Variants in ADAMTS3 observed in about 807,000 individuals in gnomAD.
ADAMTS3 encodes the protein ADAM metallopeptidase with thrombospondin type 1 motif 3.
A neutral mutation model predicts 129.0 loss-of-function variants in ADAMTS3; 73 were observed. That is an observed-to-expected ratio of 0.57 (90% CI 0.47 to 0.69). The LOEUF is 0.69. Ranked by LOEUF, ADAMTS3 falls within the 30% of genes least tolerant of loss-of-function variation. The pLI, the probability that ADAMTS3 is intolerant of heterozygous loss-of-function variation, is 0.00. For missense variants in ADAMTS3, 1,457 were observed against 1,514.5 expected (o/e 0.96, Z 0.63); for synonymous variants, 477 against 510.8 (o/e 0.93, Z 0.89).
chr4:72,518,762 G>A (rs1720570436), intron 3 of ADAMTS3, among the ~76,000 whole-genome samples: 1 of 150,448 alleles, frequency 6.6e-6, no homozygotes. Flanking sequence ...CCTGAATACA[G>A]CACACTGATG....
At chr4:72,552,492 C>T (rs1038568071) in intron 2 of ADAMTS3, among the ~76,000 whole-genome samples, 1 of 152,118 alleles carries the variant, frequency 6.6e-6, no homozygotes, top group Admixed American at 6.5e-5. Flanking sequence ...TTTTGTGGGC[C>T]GTAAGTTCCA....
intron 4 of ADAMTS3, among the ~76,000 whole-genome samples, chr4:72,408,922 G>C (rs767477094): frequency 1.3e-5 from 2 of 151,964 alleles, no homozygotes; most frequent in African/African-American, 2.4e-5. Context: ...GTCGGGGGGT[G>C]GGGGCCTAGG....
At chr4:72,413,715 C>T (rs1178085334) in intron 4 of ADAMTS3, among the ~76,000 whole-genome samples, 1 of 151,804 alleles carries the variant, frequency 6.6e-6, no homozygotes, top group Non-Finnish European at 1.5e-5. Flanking sequence ...AGGTTAAGTA[C>T]TAATCTAAGG....
At chr4:72,311,351 A>T in intron 13 of ADAMTS3, among the ~76,000 whole-genome samples, 170 bp from the exon 14 acceptor site, 1 of 150,156 alleles carries the variant, frequency 6.7e-6, no homozygotes, top group East Asian at 2.0e-4. Context: ...TACATTTGAC[A>T]TTTTTTTTTT....
chr4:72,453,996 G>A (rs1024634777), intron 3 of ADAMTS3, among the ~76,000 whole-genome samples: 1 of 146,762 alleles, frequency 6.8e-6, no homozygotes, highest in Non-Finnish European at 1.5e-5. Context: ...GATAGATTTT[G>A]ACTGTAGATT....
At chr4:72,315,401 G>A (rs955469233) in intron 11 of ADAMTS3, among the ~76,000 whole-genome samples, 6 of 152,180 alleles carry the variant, frequency 3.9e-5, no homozygotes, top group African/African-American at 1.4e-4. Flanking sequence ...ATCCTTATAA[G>A]AGAGGGGTAG....
At chr4:72,423,261 T>C (rs1351642342) in intron 3 of ADAMTS3, among the ~76,000 whole-genome samples, 3 of 152,146 alleles carry the variant, frequency 2.0e-5, no homozygotes, top group Admixed American at 6.6e-5. Flanking sequence ...TACTAGTTCA[T>C]AGCACAGAAA....
chr4:72,365,869 C>T (rs1259806464), intron 4 of ADAMTS3, among the ~76,000 whole-genome samples: 1 of 152,096 alleles, frequency 6.6e-6, no homozygotes, highest in Non-Finnish European at 1.5e-5. Context: ...AATAAAATTA[C>T]AGATCTTTTG....
At chr4:72,463,698 C>CA (rs3034505) in intron 3 of ADAMTS3, among the ~76,000 whole-genome samples, 31 of 123,338 alleles carry the variant, frequency 2.5e-4, no homozygotes, top group Middle Eastern at 8.1e-3. Flanking sequence ...CTAAAACAGG[C>CA]AAAAAAAAAA....
Position 72,414,855 on chromosome 4 carries a change from T to C in ADAMTS3, c.621A>G (p.Glu207=), listed in dbSNP as rs1300020482. 4 of 1,562,380 alleles carry C rather than the reference T, an allele frequency of 2.6e-6. No individual in the cohort carries two copies. The highest frequency in any genetic ancestry group is 3.9e-5 in the Admixed American group (2 of 51,568). Reference sequence around the variant, plus strand: ...CTTTGGACATGTCTATGGGAGCCTGTTCTACAGCTGATCTCTTGTAGACAA... The same window carrying C: ...CTTTGGACATGTCTATGGGAGCCTGCTCTACAGCTGATCTCTTGTAGACAA... The part of the protein sequence containing the change: ...IHVVYKRSAV[E]QAPIDMSKDF... Residue 207 remains glutamate (E), a synonymous_variant, in exon 4 of 22, where the codon GAA becomes GAG. Transcript: ENST00000286657.
intron 3 of ADAMTS3, among the ~76,000 whole-genome samples, chr4:72,515,600 T>C (rs2109730806): frequency 6.6e-6 from 1 of 150,980 alleles, no homozygotes; most frequent in Admixed American, 6.6e-5. Flanking sequence ...TGATGAGCAT[T>C]TTTTCATGTG....
chr4:72,414,979 A>G lies in ADAMTS3; in HGVS notation c.505-8T>C. On this transcript the variant is annotated splice_polypyrimidine_tract_variant and splice_region_variant and intron_variant, in intron 3 of 21. Transcript: ENST00000286657. Reference sequence around the variant, plus strand: ...ACTTTTTATCATTCCAGCCTAGAGAAAGCACAAAATGTGTTAATTTAAAAA... The same window carrying G: ...ACTTTTTATCATTCCAGCCTAGAGAGAGCACAAAATGTGTTAATTTAAAAA... The G allele has an allele frequency of 6.8e-7, 1 of 1,478,514 alleles. No homozygotes were observed. The highest frequency in any genetic ancestry group is 1.5e-5 in the South Asian group (1 of 67,890). 91.6% of individuals were successfully genotyped at this position (1,478,514 alleles called of 1,614,324 possible). A position where few individuals can be genotyped will look rare whatever the true frequency, so the allele number is the denominator to read the frequency against.
At chr4:72,352,275 C>A in intron 4 of ADAMTS3, among the ~76,000 whole-genome samples, 1 of 151,918 alleles carries the variant, frequency 6.6e-6, no homozygotes, top group East Asian at 1.9e-4. Context: ...CAGATATTTT[C>A]TTCAAATACC....
chr4:72,432,206 G>T (rs369987042), intron 3 of ADAMTS3, among the ~76,000 whole-genome samples: 10 of 151,948 alleles, frequency 6.6e-5, no homozygotes, highest in African/African-American at 1.9e-4. Flanking sequence ...GCCAAGGTGT[G>T]TGGCTGGAAG....
At chr4:72,531,569 G>C (rs547460867) in intron 3 of ADAMTS3, among the ~76,000 whole-genome samples, 1 of 152,120 alleles carries the variant, frequency 6.6e-6, no homozygotes, top group East Asian at 1.9e-4. Context: ...AGGGTACGTG[G>C]CTGGCTCATG....
At chr4:72,466,302 A>G (rs1262016783) in intron 3 of ADAMTS3, among the ~76,000 whole-genome samples, 3 of 151,956 alleles carry the variant, frequency 2.0e-5, no homozygotes, top group Admixed American at 6.6e-5. Flanking sequence ...CCTGTGTGAG[A>G]GCCATGTGCA....
chr4:72,542,588 ACTT>A (rs1341460528), intron 3 of ADAMTS3, among the ~76,000 whole-genome samples: 1 of 152,224 alleles, frequency 6.6e-6, no homozygotes, highest in Non-Finnish European at 1.5e-5. Flanking sequence ...GATATTAGGA[ACTT>A]CTTTTTATAG....
intron 3 of ADAMTS3, among the ~76,000 whole-genome samples, chr4:72,503,062 T>G (rs1263303653): frequency 6.6e-6 from 1 of 152,146 alleles, no homozygotes; most frequent in Non-Finnish European, 1.5e-5. Flanking sequence ...CTCACTCTGT[T>G]GCCCAGGCTA....
intron 2 of ADAMTS3, among the ~76,000 whole-genome samples, chr4:72,564,570 G>A (rs951481377): frequency 1.7e-4 from 26 of 152,206 alleles, no homozygotes; most frequent in Non-Finnish European, 3.5e-4. Context: ...TTCCTATCTG[G>A]TTGACAAAGA....
Sources: allele counts gnomAD v4.1 joint callset (sites outside exome capture counted in the v4.1 genomes callset), GRCh38; gene constraint gnomAD v4.1.1; transcripts MANE v1.5; gene names NCBI Gene and HGNC (gene_info 2026-07-23, HGNC 2026-07-21).